Variants in RERE observed in about 807,000 individuals in gnomAD.
RERE encodes the protein arginine-glutamic acid dipeptide repeats, also known as arginine-glutamic acid dipeptide repeats protein.
A neutral mutation model predicts 146.1 loss-of-function variants in RERE; 40 were observed. The observed-to-expected ratio is 0.27, with a 90% CI of 0.21 to 0.36. The LOEUF is 0.36. Among genes scored for constraint, RERE ranks in the 10% least tolerant of loss-of-function variants. RERE has a pLI of 1.00. For missense variants in RERE, 1,933 were observed against 2,138.7 expected, an observed-to-expected ratio of 0.90 and a Z score of 1.90; for synonymous variants, 1,003 against 866.0, an observed-to-expected ratio of 1.16 and a Z score of -2.78.
rs144020078 is a variant in RERE, at chr1:8,362,998, C to G, written c.1741-154G>C. 5.9e-5 allele frequency among the ~76,000 whole-genome samples: 9 copies of G among 152,356 alleles called. No homozygotes were observed. In the East Asian group the frequency reaches 1.7e-3, roughly 29 times the overall value. Reference sequence around the variant, plus strand: ...CAAACAACAGGCCGCCCTGCCTGTCCCTGGCTGCATGAAGGTCGGTGTGGA... The same window carrying G: ...CAAACAACAGGCCGCCCTGCCTGTCGCTGGCTGCATGAAGGTCGGTGTGGA... On this transcript the variant is annotated intron_variant, in intron 15 of 22. Transcript: ENST00000400908.
intron 7 of RERE, 139 bp downstream of exon 7, chr1:8,541,075 G>A: frequency 2.4e-6 from 1 of 414,798 alleles, no homozygotes; most frequent in Non-Finnish European, 4.3e-6. Context: ...GTTTACTGAA[G>A]GACTCTGGAG....
intron 11 of RERE, among the ~76,000 whole-genome samples, chr1:8,426,768 A>G (rs1557626678): frequency 6.6e-6 from 1 of 152,176 alleles, no homozygotes; most frequent in Non-Finnish European, 1.5e-5. Context: ...ATGTCCAGTA[A>G]TGCCAACTGG....
At chr1:8,570,346 T>A (rs1442738524) in intron 4 of RERE, among the ~76,000 whole-genome samples, 2 of 151,742 alleles carry the variant, frequency 1.3e-5, no homozygotes, top group Non-Finnish European at 2.9e-5. Context: ...ATAATAATAA[T>A]AAAAATAAAA....
rs942638103 is a variant in RERE, at chr1:8,579,129, C to T, written c.523-21606G>A. Among the ~76,000 whole-genome samples the T allele has an allele frequency of 1.3e-4, 20 of 152,356 alleles. No individual in the cohort carries two copies. In the South Asian group the frequency reaches 4.1e-3, roughly 32 times the overall value. On this transcript the variant is annotated intron_variant, in intron 4 of 22. Coordinates refer to ENST00000400908, the MANE Select transcript of RERE (RefSeq NM_001042681.2). ...CCGCTGTCTGTGTCCATGTCTGTTA[C>T]TCACGCAGAACCACCACGATTAGCA...
intron 12 of RERE, among the ~76,000 whole-genome samples, chr1:8,387,949 G>C (rs902477317): frequency 1.3e-5 from 2 of 152,192 alleles, no homozygotes; most frequent in Non-Finnish European, 2.9e-5. Flanking sequence ...GTTGATGTGT[G>C]CAAGAAAGTT....
intron 7 of RERE, among the ~76,000 whole-genome samples, chr1:8,533,879 C>T (rs936656194): frequency 1.3e-5 from 2 of 152,144 alleles, no homozygotes; most frequent in Non-Finnish European, 2.9e-5. Flanking sequence ...ATGATCAAAT[C>T]AAATGATCAA....
chr1:8,654,189 C>G (rs1290406012), intron 2 of RERE, among the ~76,000 whole-genome samples: 2 of 151,856 alleles, frequency 1.3e-5, no homozygotes, highest in African/African-American at 4.8e-5. Flanking sequence ...GCAGTCTCAT[C>G]ACACTCCCAG....
chr1:8,745,575 G>A (rs1569696033), intron 1 of RERE, among the ~76,000 whole-genome samples: 3 of 152,210 alleles, frequency 2.0e-5, no homozygotes, highest in Admixed American at 2.0e-4. Context: ...GCAAAAGGAG[G>A]TGCGATGACA....
intron 4 of RERE, among the ~76,000 whole-genome samples, chr1:8,609,116 G>A (rs946274491): frequency 3.5e-4 from 54 of 152,158 alleles, no homozygotes; most frequent in African/African-American, 1.3e-3. Context: ...TACTCAGGAG[G>A]CTGAGGCAAG....
At chr1:8,377,591 C>T (rs988898416) in intron 12 of RERE, among the ~76,000 whole-genome samples, 6 of 151,236 alleles carry the variant, frequency 4.0e-5, no homozygotes, top group African/African-American at 7.3e-5. Context: ...GGGGAGGAGA[C>T]GAAAGAAAAA....
At chr1:8,712,667 T>C (rs537473551) in intron 1 of RERE, among the ~76,000 whole-genome samples, 1 of 152,338 alleles carries the variant, frequency 6.6e-6, no homozygotes, top group Non-Finnish European at 1.5e-5. Flanking sequence ...CTGGTTCTAT[T>C]ATCTTTTATT....
chr1:8,694,947 G>T (rs2124425951), intron 1 of RERE, among the ~76,000 whole-genome samples: 1 of 111,054 alleles, frequency 9.0e-6, no homozygotes, highest in South Asian at 3.3e-4. Context: ...ACCAAAAAAA[G>T]TACCCAAAGA....
intron 1 of RERE, among the ~76,000 whole-genome samples, chr1:8,778,525 A>G (rs1175452844): frequency 6.6e-6 from 1 of 152,228 alleles, no homozygotes; most frequent in African/African-American, 2.4e-5. Context: ...GTTTAAAGGA[A>G]AGCTCATTCT....
chr1:8,463,505 G>A (rs1443320792), intron 11 of RERE, among the ~76,000 whole-genome samples: 1 of 152,210 alleles, frequency 6.6e-6, no homozygotes, highest in African/African-American at 2.4e-5. Context: ...CAGCAATGGG[G>A]AGACAATCAA....
chr1:8,728,460 CATCAAAAAAAAAAA>C (rs908048555), intron 1 of RERE, among the ~76,000 whole-genome samples: 1 of 133,212 alleles, frequency 7.5e-6, no homozygotes, highest in Non-Finnish European at 1.6e-5. Flanking sequence ...CATAAGAGAC[CATCAAAAAAAAAAA>C]AACCCTATTG....
chr1:8,677,030 C>A (rs1391636311), intron 1 of RERE, among the ~76,000 whole-genome samples: 3 of 151,616 alleles, frequency 2.0e-5, no homozygotes, highest in Non-Finnish European at 4.4e-5. Flanking sequence ...CTCTACAGAT[C>A]CCCTGTGCTT....
chr1:8,803,075 AATTT>A lies in RERE; in HGVS notation c.-145+14081_-145+14084del, dbSNP rs1268122080. ...AATTTATAAGTTATATTTTAAAATA[AATTT>A]ATTTATGACAATTACACAATTGCAC... On this transcript the variant is annotated intron_variant, in intron 1 of 22. Coordinates refer to ENST00000400908, the MANE Select transcript of RERE (RefSeq NM_001042681.2). 3.9e-5 allele frequency among the ~76,000 whole-genome samples: 6 copies of A among 152,322 alleles called. No individual in the cohort carries two copies. In the East Asian group the frequency reaches 7.7e-4, roughly 20 times the overall value.
intron 12 of RERE, among the ~76,000 whole-genome samples, chr1:8,404,995 T>C (rs189710500): frequency 1.3e-5 from 2 of 152,268 alleles, no homozygotes; most frequent in Non-Finnish European, 1.5e-5. Context: ...ACTGACTATA[T>C]GTCGGTTTTC....
chr1:8,817,613 G>C lies in RERE; in HGVS notation c.-598C>G, dbSNP rs566353412. On this transcript the variant is annotated 5_prime_UTR_variant, in exon 1 of 23. Coordinates refer to ENST00000400908, the MANE Select transcript of RERE (RefSeq NM_001042681.2). ...TGTGCGGGAGGCTGAGGAGGCTCCG[G>C]AGCGCGGAGGGTTGCTCGCGAGCGT... The C allele has an allele frequency of 6.6e-6, 1 of 151,508 alleles. No individual in the cohort carries two copies. The highest frequency in any genetic ancestry group is 2.0e-4 in the East Asian group (1 of 5,086). 9.4% of individuals were successfully genotyped at this position (151,508 alleles called of 1,614,324 possible).
Sources: allele counts gnomAD v4.1 joint callset (sites outside exome capture counted in the v4.1 genomes callset), GRCh38; gene constraint gnomAD v4.1.1; transcripts MANE v1.5; gene names NCBI Gene and HGNC (gene_info 2026-07-23, HGNC 2026-07-21).